Variants in RXRG observed in about 807,000 individuals in gnomAD.
RXRG encodes retinoic acid receptor RXR-gamma.
RXRG carries 19 observed loss-of-function variants against 49.2 expected under a neutral mutation model. The observed-to-expected ratio is 0.39, with a 90% CI of 0.27 to 0.57. RXRG has a LOEUF of 0.57. RXRG is among the 20% of genes least tolerant of loss of function. The pLI is 0.64. For synonymous variants in RXRG, 224 were observed against 216.6 expected, an observed-to-expected ratio of 1.03 and a Z score of -0.30; for missense variants, 452 against 592.5, an observed-to-expected ratio of 0.76 and a Z score of 2.46.
At chr1:165,403,398 G>T (rs1466349631) in intron 9 of RXRG, among the ~76,000 whole-genome samples, 1 of 152,164 alleles carries the variant, frequency 6.6e-6, no homozygotes, top group East Asian at 1.9e-4. Flanking sequence ...TCATGAAAAA[G>T]TTACAAATTA....
At chr1:165,425,671 CA>C (rs1658462120) in intron 2 of RXRG, among the ~76,000 whole-genome samples, 1 of 152,174 alleles carries the variant, frequency 6.6e-6, no homozygotes, top group African/African-American at 2.4e-5. Context: ...GTGGGGGTGG[CA>C]TAAATACATG....
At chr1:165,425,563 C>T (rs1340659876) in intron 2 of RXRG, among the ~76,000 whole-genome samples, 1 of 152,198 alleles carries the variant, frequency 6.6e-6, no homozygotes, top group Admixed American at 6.5e-5. Flanking sequence ...CCAGATTTTA[C>T]TCGCCTTCCT....
intron 2 of RXRG, among the ~76,000 whole-genome samples, chr1:165,421,215 G>T (rs1658300972): frequency 6.6e-6 from 1 of 152,172 alleles, no homozygotes. Flanking sequence ...TAAACACTAT[G>T]AGGGATACAA....
At chr1:165,408,041 G>A (rs1186243911) in intron 8 of RXRG, among the ~76,000 whole-genome samples, 186 bp downstream of exon 8, 3 of 152,052 alleles carry the variant, frequency 2.0e-5, no homozygotes, top group Non-Finnish European at 2.9e-5. Flanking sequence ...CCCCAGACAC[G>A]CGCCTGCCAC....
chr1:165,419,602 T>C (rs1658242183), intron 3 of RXRG, among the ~76,000 whole-genome samples: 1 of 152,216 alleles, frequency 6.6e-6, no homozygotes, highest in African/African-American at 2.4e-5. Context: ...CAACAGCTTC[T>C]GTCTCTCAGA....
intron 8 of RXRG, 85 bp from the exon 9 acceptor site, chr1:165,407,002 T>TTAC (rs1657777985): frequency 1.1e-6 from 1 of 883,396 alleles, no homozygotes; most frequent in Admixed American, 1.9e-5. Flanking sequence ...CTCTGTAGAG[T>TTAC]TACTAGAGAC....
intron 1 of RXRG, among the ~76,000 whole-genome samples, chr1:165,443,527 G>A (rs1017589966): frequency 6.6e-6 from 1 of 152,090 alleles, no homozygotes; most frequent in African/African-American, 2.4e-5. Context: ...CTCACCCCAA[G>A]TCCAAGTACA....
rs551405216 is a variant in RXRG at position 165,405,869 on chromosome 1, C to T, written c.1244+943G>A. 2.6e-5 allele frequency among the ~76,000 whole-genome samples: 4 copies of T among 152,344 alleles called. No individual in the cohort carries two copies. The East Asian group carries it at 7.7e-4, about 29-fold the overall frequency. On this transcript the variant is annotated intron_variant, in intron 9 of 9. Coordinates refer to ENST00000359842, the MANE Select transcript of RXRG (RefSeq NM_006917.5). ...CCACAGCCTCCAACAAAAAACACAG[C>T]TCAGTCTCTTCTGGACAATTGCTAG...
At chr1:165,434,268 T>C (rs1220710092) in intron 1 of RXRG, among the ~76,000 whole-genome samples, 3 of 73,304 alleles carry the variant, frequency 4.1e-5, no homozygotes, top group Non-Finnish European at 7.8e-5. Context: ...AAACAATGAA[T>C]TGCATGTGTG....
chr1:165,415,017 A>G (rs1315441644), intron 4 of RXRG, among the ~76,000 whole-genome samples: 1 of 152,248 alleles, frequency 6.6e-6, no homozygotes, highest in Non-Finnish European at 1.5e-5. Context: ...CCCCGCCTTC[A>G]TGGATACAGA....
intron 1 of RXRG, among the ~76,000 whole-genome samples, chr1:165,433,287 T>C (rs1347553312): frequency 1.3e-5 from 2 of 152,160 alleles, no homozygotes; most frequent in Non-Finnish European, 2.9e-5. Context: ...CTATTATTTA[T>C]AAATTACCTA....
chr1:165,416,717 A>C (rs972121692), intron 4 of RXRG, among the ~76,000 whole-genome samples: 1 of 152,148 alleles, frequency 6.6e-6, no homozygotes, highest in African/African-American at 2.4e-5. Context: ...TGGAAGAAAA[A>C]AGGAGACGGT....
At chr1:165,414,445 T>G (rs1367494926) in intron 4 of RXRG, among the ~76,000 whole-genome samples, 1 of 152,174 alleles carries the variant, frequency 6.6e-6, no homozygotes, top group South Asian at 2.1e-4. Flanking sequence ...GCTGGGGATA[T>G]TCAGCCTGCA....
At chr1:165,435,404 G>A (rs920824991) in intron 1 of RXRG, among the ~76,000 whole-genome samples, 1 of 152,096 alleles carries the variant, frequency 6.6e-6, no homozygotes, top group African/African-American at 2.4e-5. Context: ...GGAGCCACAG[G>A]GAGATTGAGC....
chr1:165,428,722 A>G lies in RXRG; in HGVS notation c.294T>C (p.Ser98=), dbSNP rs780033756. 1 of 1,591,324 alleles carries G rather than the reference A, an allele frequency of 6.3e-7. No homozygotes were observed. Among genetic ancestry groups the G allele is most frequent in the South Asian group, 1.1e-5 (1 of 88,172 alleles). The part of the protein sequence containing the change: ...PGINLVAPPS[S]QLNVVNSVSS... ...CTTGGAGAGGAAGAACACTTACCTG[A>G]GAGCTGGGTGGGGCAACCAAGTTGA... The change falls in exon 2 of 10, where the codon TCT becomes TCC. Residue 98 remains serine (S), a synonymous_variant. Transcript: ENST00000359842.
In RXRG at chr1:165,401,015, G is replaced by C. The variant is rs17429130; in HGVS notation, c.*248C>G. 21,555 of 454,884 alleles carry C rather than the reference G, an allele frequency of 0.047. 638 individuals carry two copies. Among genetic ancestry groups the C allele is most frequent in the East Asian group, 0.077 (1,917 of 24,948 alleles). The allele number at this position is 454,884 out of a possible 1,614,324, so 28.2% of individuals were successfully genotyped here. On this transcript the variant is annotated 3_prime_UTR_variant, in exon 10 of 10. Coordinates refer to ENST00000359842, the MANE Select transcript of RXRG (RefSeq NM_006917.5). Reference sequence around the variant, plus strand: ...AAACCAATTGTATGTACAGAGGCTTGATTAGTTTTCCCAAGAACTTCCAGA... The same window carrying C: ...AAACCAATTGTATGTACAGAGGCTTCATTAGTTTTCCCAAGAACTTCCAGA...
chr1:165,423,393 T>C (rs1381371860), intron 2 of RXRG, among the ~76,000 whole-genome samples: 1 of 152,220 alleles, frequency 6.6e-6, no homozygotes, highest in East Asian at 1.9e-4. Context: ...TCTTCCCTTT[T>C]GCAGACTCAG....
chr1:165,425,364 T>C (rs1438948739), intron 2 of RXRG, among the ~76,000 whole-genome samples: 2 of 152,216 alleles, frequency 1.3e-5, no homozygotes, highest in African/African-American at 4.8e-5. Flanking sequence ...TGCCTGCTAT[T>C]GTGTGATTGC....
intron 7 of RXRG, 85 bp from the exon 8 acceptor site, chr1:165,408,403 T>G: frequency 1.1e-6 from 1 of 913,284 alleles, no homozygotes; most frequent in South Asian, 1.3e-5. Context: ...AAAATTTTTA[T>G]AAGCCCACTC....
Sources: allele counts gnomAD v4.1 joint callset (sites outside exome capture counted in the v4.1 genomes callset), GRCh38; gene constraint gnomAD v4.1.1; transcripts MANE v1.5; gene names NCBI Gene and HGNC (gene_info 2026-07-23, HGNC 2026-07-21).